ARMCX2: variants seen among roughly 807,000 people sequenced by gnomAD.
The protein encoded by ARMCX2 is armadillo repeat containing X-linked 2, also known as armadillo repeat-containing X-linked protein 2.
Under a neutral mutation model 17.0 loss-of-function variants are expected in ARMCX2, and 2 were observed. The observed-to-expected ratio is 0.12, with a 90% CI of 0.05 to 0.37. The LOEUF (loss-of-function observed/expected upper bound fraction) is 0.37. ARMCX2 is among the 10% of genes least tolerant of loss of function. The pLI, the probability that ARMCX2 is intolerant of heterozygous loss-of-function variation, is 1.00. For missense variants in ARMCX2, 408 were observed against 497.7 expected (o/e 0.82, Z 1.72); for synonymous variants, 182 against 195.2 (o/e 0.93, Z 0.57).
At position 101,657,079 on chromosome X, in the gene ARMCX2, C is replaced by T. The variant is rs78189978; in HGVS notation, c.510G>A (p.Ala170=). ...APKVAEAPRE[A]ETSRAAVPPG... is the part of the protein sequence containing the mutation. ...GAGGCACCGCTGCCCTGGAAGTCTC[C>T]GCTTCTCTGGGAGCTTCTGCCACTT... The change falls in exon 6 of 6, where the codon GCG becomes GCA. Residue 170 remains alanine (A), a synonymous_variant. Coordinates refer to ENST00000356824, the MANE Select transcript of ARMCX2 (RefSeq NM_177949.4). 3.0e-3 allele frequency: 3,632 copies of T among 1,198,328 alleles called. 81 individuals are homozygous for T. In the African/African-American group the frequency reaches 0.057, roughly 19 times the overall value.
intron 3 of ARMCX2, among the ~76,000 whole-genome samples, 158 bp downstream of exon 3, chrX:101,658,918 C>T (rs1936480996): frequency 2.7e-5 from 3 of 111,410 alleles, no homozygotes; most frequent in African/African-American, 9.8e-5. Context: ...TCTTTCGCTC[C>T]CCAGCCCCTA....
In ARMCX2 at chrX:101,656,990, G is replaced by A; in HGVS notation, c.599C>T (p.Ala200Val). ...AGCTTCAGCTACCTTGGTAGGTGCT[G>A]CTACCCCAGGACCCTCGGTCACCTC... ...PTEVTEGPGVAAPTKVAEAPG... is the reference protein window; with the variant it reads ...PTEVTEGPGVVAPTKVAEAPG... The change falls in exon 6 of 6, where the codon GCA becomes GTA. Residue 200 changes from alanine to valine, a missense_variant. This residue lies in a region of ARMCX2 where 307 missense variants were observed against 326.8 expected (regional missense o/e 0.94). Coordinates refer to ENST00000356824, the MANE Select transcript of ARMCX2 (RefSeq NM_177949.4). The A allele has an allele frequency of 8.3e-7, 1 of 1,211,432 alleles. No homozygotes were observed. Among genetic ancestry groups the A allele is most frequent in the South Asian group, 1.8e-5 (1 of 56,983 alleles).
Position 101,657,416 on chromosome X carries a change from C to G in ARMCX2, c.173G>C (p.Arg58Thr), listed in dbSNP as rs1556070011. 1 of 1,212,277 alleles carries G rather than the reference C, an allele frequency of 8.2e-7. No individual in the cohort carries two copies. Among genetic ancestry groups the G allele is most frequent in the East Asian group, 3.0e-5 (1 of 33,834 alleles). Residue 58 changes from arginine (R) to threonine (T), a missense_variant, in exon 6 of 6, where the codon AGA becomes ACA. Physicochemically the swap from Arg to Thr is moderately conservative, Grantham distance 71. Around this residue, in one of 2 missense-constraint regions of ARMCX2, gnomAD observed 307 missense variants for 326.8 expected, o/e 0.94. Coordinates refer to ENST00000356824, the MANE Select transcript of ARMCX2 (RefSeq NM_177949.4). Reference protein sequence around the residue: ...GTGARARAGLRAGFTIDLGSG... With the variant: ...GTGARARAGLTAGFTIDLGSG... ...CCCAAGGTCGATTGTGAATCCGGCT[C>G]TTAGCCCAGCTCTAGCCCTGGCTCC...
Position 101,657,097 on chromosome X carries a change from T to C in ARMCX2, c.492A>G (p.Ala164=). ...APAMAGAPKV[A]EAPREAETSR... is the part of the protein sequence containing the mutation. ...AAGTCTCCGCTTCTCTGGGAGCTTCTGCCACTTTGGGAGCCCCTGCCATTG... is the reference window on the plus strand; with the variant it reads ...AAGTCTCCGCTTCTCTGGGAGCTTCCGCCACTTTGGGAGCCCCTGCCATTG... Residue 164 remains alanine (A), a synonymous_variant, in exon 6 of 6, where the codon GCA becomes GCG. Transcript: ENST00000356824. 2 of 1,196,594 alleles carry C rather than the reference T, an allele frequency of 1.7e-6. No homozygotes were observed. The highest frequency in any genetic ancestry group is 2.3e-6 in the Non-Finnish European group (2 of 887,658).
rs142725630 is a variant in ARMCX2, at chrX:101,657,376, G to T, written c.213C>A (p.Pro71=). 7.4e-6 allele frequency: 9 copies of T among 1,210,860 alleles called. No individual in the cohort carries two copies. Among genetic ancestry groups the T allele is most frequent in the Admixed American group, 6.5e-5 (3 of 45,988 alleles). ...CTGCTTCAGCACGGACTGGGGTTGG[G>T]GGACTGAATCCTGACCCAAGGTCGA... The part of the protein sequence containing the change: ...FTIDLGSGFS[P]PTPVRAEAED... The change falls in exon 6 of 6, where the codon CCC becomes CCA. Residue 71 remains proline (P), a synonymous_variant. Transcript: ENST00000356824.
Position 101,655,583 on chromosome X carries a change from T to G in ARMCX2, c.*107A>C, listed in dbSNP as rs190971351. The G allele has an allele frequency of 1.4e-3, 811 of 585,151 alleles. 1 individual carries two copies. The highest frequency in any genetic ancestry group is 3.4e-3 in the South Asian group (69 of 20,542). 48.2% of individuals were successfully genotyped at this position (585,151 alleles called of 1,213,427 possible). A position where few individuals can be genotyped will look rare whatever the true frequency, so the allele number is the denominator to read the frequency against. On this transcript the variant is annotated 3_prime_UTR_variant, in exon 6 of 6. Transcript: ENST00000356824. ...TATTCAACACTGGCAGCTGAAAGGA[T>G]CCCTTTACTATATGAGCAAGTGGAA...
intron 3 of ARMCX2, 35 bp downstream of exon 3, chrX:101,659,041 C>T (rs1336457338): frequency 9.0e-6 from 1 of 111,482 alleles, no homozygotes; most frequent in African/African-American, 3.3e-5. Context: ...TCCCACAAAT[C>T]CCCCCAACAA....
Position 101,656,830 on chromosome X carries a change from T to C in ARMCX2, c.759A>G (p.Thr253=). The C allele has an allele frequency of 8.3e-7, 1 of 1,211,708 alleles. No homozygotes were observed. Among genetic ancestry groups the C allele is most frequent in the African/African-American group, 1.7e-5 (1 of 57,725 alleles). The change falls in exon 6 of 6, where the codon ACA becomes ACG. Residue 253 remains threonine, a synonymous_variant. Transcript: ENST00000356824. ...GSPRTAVVPG[T]SAAKKATPGA... ...CAGGGGTTGCTTTCTTGGCAGCTGA[T>C]GTTCCAGGAACCACCGCTGTTCTAG...
At position 101,657,690 on chromosome X, in the gene ARMCX2, A is replaced by G. The variant is rs185265011; in HGVS notation, c.-102T>C. 4.1e-5 allele frequency: 36 copies of G among 876,152 alleles called. No homozygotes were observed. The African/African-American group carries it at 6.4e-4, about 16-fold the overall frequency. 72.2% of individuals were successfully genotyped at this position (876,152 alleles called of 1,213,427 possible). ...GTGAGGCTCTTCAGTTTAGGCTTAC[A>G]AGTTCTGCTGAGGCTTAGGCAGGGC... On this transcript the variant is annotated 5_prime_UTR_variant, in exon 6 of 6. Transcript: ENST00000356824.
Position 101,656,218 on chromosome X carries a change from C to G in ARMCX2, c.1371G>C (p.Glu457Asp). Reference protein sequence around the residue: ...KALMAMNNLSENYENQGRLQV... With the variant: ...KALMAMNNLSDNYENQGRLQV... ...GAAGCCGGCCCTGATTTTCATAATTCTCACTCAGGTTATTCATGGCCATTA... is the reference window on the plus strand; with the variant it reads ...GAAGCCGGCCCTGATTTTCATAATTGTCACTCAGGTTATTCATGGCCATTA... Residue 457 changes from glutamate to aspartate, a missense_variant, in exon 6 of 6, where the codon GAG becomes GAC. Physicochemically the swap from Glu to Asp is conservative, Grantham distance 45. Around this residue, in one of 2 missense-constraint regions of ARMCX2, gnomAD observed 101 missense variants for 170.9 expected, o/e 0.59. Transcript: ENST00000356824. The G allele has an allele frequency of 8.3e-7, 1 of 1,209,882 alleles. No homozygotes were observed. The highest frequency in any genetic ancestry group is 1.1e-6 in the Non-Finnish European group (1 of 894,173).
Position 101,656,892 on chromosome X carries a change from T to C in ARMCX2, c.697A>G (p.Thr233Ala). The C allele has an allele frequency of 8.3e-7, 1 of 1,209,823 alleles. No individual in the cohort carries two copies. The highest frequency in any genetic ancestry group is 1.1e-6 in the Non-Finnish European group (1 of 894,386). The change falls in exon 6 of 6, where the codon ACT (threonine) becomes GCT (alanine). Residue 233 changes from threonine to alanine, a missense_variant. Coordinates refer to ENST00000356824, the MANE Select transcript of ARMCX2 (RefSeq NM_177949.4). ...GTTCCAGGAGACTCTGCAGCCCCAG[T>C]AGGTGCTGCAGCCCCAGTAGGCGTT... Reference protein sequence around the residue: ...PATPTGAAAPTGAAESPGTSG... With the variant: ...PATPTGAAAPAGAAESPGTSG...
At chrX:101,659,529 C>A (rs989135361) in intron 1 of ARMCX2, 28 bp from the exon 2 acceptor site, 2 of 110,794 alleles carry the variant, frequency 1.8e-5, no homozygotes. Flanking sequence ...AACCAAAAAA[C>A]ACTGGCTGGA....
At chrX:101,659,286 A>C (rs944611156) in intron 2 of ARMCX2, 133 bp downstream of exon 2, 3 of 107,217 alleles carry the variant, frequency 2.8e-5, no homozygotes, top group Non-Finnish European at 3.9e-5. Context: ...CAGCACTCCC[A>C]AATCACAGAG....
Position 101,655,957 on chromosome X carries a change from T to C in ARMCX2, c.1632A>G (p.Lys544=), listed in dbSNP as rs781929040. 6.6e-6 allele frequency: 8 copies of C among 1,209,867 alleles called. 1 individual carries two copies. In the South Asian group the frequency reaches 1.4e-4, roughly 21 times the overall value. Residue 544 remains lysine (K), a synonymous_variant, in exon 6 of 6, where the codon AAA becomes AAG. Transcript: ENST00000356824. ...NFAENPDMLK[K]LLSTQVPASF... is the part of the protein sequence containing the mutation. ...ATGCTGGCACTTGGGTACTGAGAAGTTTCTTCAACATATCTGGATTTTCAG... is the reference window on the plus strand; with the variant it reads ...ATGCTGGCACTTGGGTACTGAGAAGCTTCTTCAACATATCTGGATTTTCAG...
chrX:101,658,036 C>G lies in ARMCX2; in HGVS notation c.-128+37G>C, dbSNP rs782505447. The G allele has an allele frequency of 3.6e-4, 44 of 123,307 alleles. 1 individual carries two copies. The highest frequency in any genetic ancestry group is 1.4e-3 in the African/African-American group (42 of 30,279). The allele number at this position is 123,307 out of a possible 1,213,427, so 10.2% of individuals were successfully genotyped here. ...CTGCTATGATGCCCCACCCCCTACC[C>G]CCAAGGCCCCTACATGGTGCTCATG... On this transcript the variant is annotated intron_variant, in intron 5 of 5. Coordinates refer to ENST00000356824, the MANE Select transcript of ARMCX2 (RefSeq NM_177949.4).
At position 101,657,531 on chromosome X, in the gene ARMCX2, C is replaced by T; in HGVS notation, c.58G>A (p.Ala20Thr). 1 of 1,211,118 alleles carries T rather than the reference C, an allele frequency of 8.3e-7. No homozygotes were observed. The highest frequency in any genetic ancestry group is 1.1e-6 in the Non-Finnish European group (1 of 895,031). Residue 20 changes from alanine to threonine, a missense_variant, in exon 6 of 6, where the codon GCC becomes ACC. By Grantham distance (58) the Ala-to-Thr change is moderately conservative. Transcript: ENST00000356824. ...VAAGIVIGAG[A>T]WYCVYKYTRG... The stretch of plus-strand genomic sequence containing the variant: ...GTGTATTTGTAGACACAGTACCAGG[C>T]ACCAGCCCCTATCACTATCCCCGCC...
chrX:101,656,687 T>C lies in ARMCX2; in HGVS notation c.902A>G (p.Lys301Arg). Residue 301 changes from lysine (K) to arginine (R), a missense_variant, in exon 6 of 6, where the codon AAA (lysine) becomes AGA (arginine). Lys to Arg is a conservative substitution (Grantham distance 26, BLOSUM62 2). Coordinates refer to ENST00000356824, the MANE Select transcript of ARMCX2 (RefSeq NM_177949.4). The stretch of plus-strand genomic sequence containing the variant: ...CATCCCCAGTTCGTCTACTTCAACT[T>C]TGCTTTTCTTGCCCTTGCCCTTGCC... ...NGGKGKGKKS[K>R]VEVDELGMGF... 1 of 1,210,732 alleles carries C rather than the reference T, an allele frequency of 8.3e-7. No individual in the cohort carries two copies.
Position 101,656,507 on chromosome X carries a change from C to T in ARMCX2, c.1082G>A (p.Arg361Lys), listed in dbSNP as rs375883638. The change falls in exon 6 of 6, where the codon AGA becomes AAA. Residue 361 changes from arginine (R) to lysine (K), a missense_variant. By Grantham distance (26) the Arg-to-Lys change is conservative. This residue lies in a region of ARMCX2 where 307 missense variants were observed against 326.8 expected (regional missense o/e 0.94). Transcript: ENST00000356824. The part of the protein sequence containing the change: ...DSDSEPETQR[R>K]GRGRRPVAMQ... Reference sequence around the variant, plus strand: ...GGCAACGGGTCTTCTTCCCCTCCCTCTGCGCTGGGTCTCGGGCTCAGAGTC... The same window carrying T: ...GGCAACGGGTCTTCTTCCCCTCCCTTTGCGCTGGGTCTCGGGCTCAGAGTC... The T allele has an allele frequency of 4.1e-6, 5 of 1,207,916 alleles. No homozygotes were observed. In the African/African-American group the frequency reaches 8.9e-5, roughly 21 times the overall value.
At position 101,655,540 on chromosome X, in the gene ARMCX2, T is replaced by A; in HGVS notation, c.*150A>T. ...AAGCTGGTGACTGTCACAGATAACA[T>A]CACTCTGGATGATACATTATTCAAC... On this transcript the variant is annotated 3_prime_UTR_variant, in exon 6 of 6. Transcript: ENST00000356824. 2.5e-6 allele frequency: 1 copy of A among 393,861 alleles called. No homozygotes were observed. Among genetic ancestry groups the A allele is most frequent in the Non-Finnish European group, 4.2e-6 (1 of 235,763 alleles). The allele number at this position is 393,861 out of a possible 1,213,427, so 32.5% of individuals were successfully genotyped here.
Sources: gnomAD v4.1 joint callset for allele counts (sites outside exome capture counted in the v4.1 genomes callset) on GRCh38, gnomAD v4.1.1 for gene constraint, gnomAD v4.1.1 regional missense constraint, MANE v1.5 for transcripts, NCBI Gene and HGNC (gene_info 2026-07-23, HGNC 2026-07-21) for gene names.